CNTN5: variants seen among roughly 807,000 people sequenced by gnomAD.
The protein encoded by CNTN5 is contactin-5.
A neutral mutation model predicts 129.1 loss-of-function variants in CNTN5; 77 were observed. The ratio of observed to expected loss-of-function variants is 0.60; its 90% CI spans 0.50 to 0.72. CNTN5 has a LOEUF of 0.72. Among genes scored for constraint, CNTN5 ranks in the 30% least tolerant of loss-of-function variants. The probability of loss-of-function intolerance (pLI) is 0.00; values close to 1 mark genes in which losing one functional copy is unlikely to be tolerated. For synonymous variants in CNTN5, 509 were observed against 465.6 expected (o/e 1.09, Z -1.20); for missense variants, 1,478 against 1,328.8 (o/e 1.11, Z -1.75).
chr11:99,700,150 T>A (rs1954455864), intron 3 of CNTN5, among the ~76,000 whole-genome samples: 1 of 151,422 alleles, frequency 6.6e-6, no homozygotes, highest in African/African-American at 2.4e-5. Flanking sequence ...AAAACACTTT[T>A]TAATTTCTTC....
intron 3 of CNTN5, among the ~76,000 whole-genome samples, chr11:99,692,493 C>A (rs1178190886): frequency 6.6e-6 from 1 of 152,006 alleles, no homozygotes; most frequent in Non-Finnish European, 1.5e-5. Flanking sequence ...ACTTACAAAG[C>A]TTGGTTTTGC....
chr11:100,068,437 A>G (rs1436927300), intron 10 of CNTN5, among the ~76,000 whole-genome samples: 1 of 152,072 alleles, frequency 6.6e-6, no homozygotes, highest in Non-Finnish European at 1.5e-5. Context: ...GAAGTAGAAC[A>G]CTCTATGTAG....
At chr11:99,820,929 A>G (rs1297646267) in intron 4 of CNTN5, among the ~76,000 whole-genome samples, 1 of 152,196 alleles carries the variant, frequency 6.6e-6, no homozygotes, top group Non-Finnish European at 1.5e-5. Context: ...GTGCAGGCAA[A>G]CTTATCCTTT....
chr11:100,250,975 A>G (rs1270822113), intron 16 of CNTN5, among the ~76,000 whole-genome samples: 1 of 152,184 alleles, frequency 6.6e-6, no homozygotes, highest in Non-Finnish European at 1.5e-5. Flanking sequence ...AGGGAATGAA[A>G]CAGAATAAAT....
rs71046675 is a variant in CNTN5, at chr11:99,284,600, GGTGTGTGTGTGTGTGTGTGT to G, written c.-209-40704_-209-40685del. Among the ~76,000 whole-genome samples the G allele has an allele frequency of 4.7e-3, 591 of 124,800 alleles. 6 individuals are homozygous for G. Among genetic ancestry groups the G allele is most frequent in the African/African-American group, 0.013 (438 of 32,724 alleles). The allele number at this position is 124,800 out of a possible 152,430, so 81.9% of individuals were successfully genotyped here. On this transcript the variant is annotated intron_variant, in intron 1 of 24. Transcript: ENST00000524871. Reference sequence around the variant, plus strand: ...AGAACTGTTTACCCCAGAGATGAGTGGTGTGTGTGTGTGTGTGTGTGTGTGTGTGTGTGTGTGTGTGTGTG... The same window carrying G: ...AGAACTGTTTACCCCAGAGATGAGTGGTGTGTGTGTGTGTGTGTGTGTGTG...
chr11:99,383,840 A>G (rs920784922), intron 2 of CNTN5, among the ~76,000 whole-genome samples: 1 of 152,198 alleles, frequency 6.6e-6, no homozygotes, highest in African/African-American at 2.4e-5. Context: ...AAGCTACTAG[A>G]GACACAGAAG....
At chr11:99,442,065 C>T (rs1943853878) in intron 2 of CNTN5, among the ~76,000 whole-genome samples, 2 of 152,124 alleles carry the variant, frequency 1.3e-5, no homozygotes, top group South Asian at 4.1e-4. Context: ...GCTCTGCTAC[C>T]TTTTTTATGG....
chr11:100,278,697 T>G (rs1329078722), intron 18 of CNTN5, among the ~76,000 whole-genome samples: 1 of 152,024 alleles, frequency 6.6e-6, no homozygotes, highest in Non-Finnish European at 1.5e-5. Flanking sequence ...GTTCTAATTG[T>G]TTTTTGATGG....
At chr11:99,972,574 C>T (rs1951293591) in intron 8 of CNTN5, among the ~76,000 whole-genome samples, 1 of 151,200 alleles carries the variant, frequency 6.6e-6, no homozygotes, top group African/African-American at 2.4e-5. Context: ...CTTCCCAGAA[C>T]CACACCCAGC....
intron 1 of CNTN5, among the ~76,000 whole-genome samples, chr11:99,162,919 A>C (rs950894575): frequency 6.6e-6 from 1 of 152,208 alleles, no homozygotes; most frequent in Non-Finnish European, 1.5e-5. Context: ...GGTAAGTTTT[A>C]CCTTTTGTTT....
chr11:99,036,429 C>T (rs1183802845), intron 1 of CNTN5, among the ~76,000 whole-genome samples: 2 of 151,806 alleles, frequency 1.3e-5, no homozygotes, highest in Non-Finnish European at 2.9e-5. Context: ...AGCTACATAA[C>T]AAAAATGTAT....
intron 8 of CNTN5, among the ~76,000 whole-genome samples, chr11:99,990,754 G>T (rs1429270342): frequency 2.0e-5 from 3 of 152,066 alleles, no homozygotes; most frequent in African/African-American, 4.8e-5. Flanking sequence ...ATCTGGACAT[G>T]TTTCTAAATG....
chr11:99,878,833 G>A (rs183562781), intron 6 of CNTN5, among the ~76,000 whole-genome samples: 9 of 152,224 alleles, frequency 5.9e-5, no homozygotes, highest in African/African-American at 1.4e-4. Flanking sequence ...CCAGCCTGGC[G>A]ACAGAGCGAG....
chr11:99,599,508 G>T (rs760695996), intron 3 of CNTN5, among the ~76,000 whole-genome samples: 1 of 151,876 alleles, frequency 6.6e-6, no homozygotes, highest in Non-Finnish European at 1.5e-5. Flanking sequence ...ATAATATTTC[G>T]GTGTTATTTC....
intron 1 of CNTN5, among the ~76,000 whole-genome samples, chr11:99,120,647 T>C (rs1444933838): frequency 6.6e-6 from 1 of 152,194 alleles, no homozygotes; most frequent in Non-Finnish European, 1.5e-5. Flanking sequence ...CTATGTCCCG[T>C]TATCTCTGAT....
At chr11:99,787,605 A>C (rs2135418891) in intron 3 of CNTN5, among the ~76,000 whole-genome samples, 1 of 152,070 alleles carries the variant, frequency 6.6e-6, no homozygotes, top group South Asian at 2.1e-4. Context: ...ATTGCCAGTA[A>C]GCTGAAGAAG....
At chr11:99,770,817 G>T (rs574733070) in intron 3 of CNTN5, among the ~76,000 whole-genome samples, 1 of 152,012 alleles carries the variant, frequency 6.6e-6, no homozygotes, top group Non-Finnish European at 1.5e-5. Context: ...CATAAAATTT[G>T]TATGGAAACA....
intron 13 of CNTN5, among the ~76,000 whole-genome samples, chr11:100,079,473 A>G (rs1405992481): frequency 6.6e-6 from 1 of 152,084 alleles, no homozygotes; most frequent in African/African-American, 2.4e-5. Context: ...TATTCCTGGC[A>G]TTGAAAATCT....
At chr11:99,154,946 G>A (rs976966521) in intron 1 of CNTN5, among the ~76,000 whole-genome samples, 1 of 152,106 alleles carries the variant, frequency 6.6e-6, no homozygotes, top group Non-Finnish European at 1.5e-5. Flanking sequence ...CACTACAGAC[G>A]GTCCTGCTCC....
Sources: gnomAD v4.1 joint callset for allele counts (sites outside exome capture counted in the v4.1 genomes callset) on GRCh38, gnomAD v4.1.1 for gene constraint, MANE v1.5 for transcripts, NCBI Gene and HGNC (gene_info 2026-07-23, HGNC 2026-07-21) for gene names.